CRKL: variants seen among roughly 807,000 people sequenced by gnomAD.
CRKL encodes crk-like protein.
CRKL carries 3 observed loss-of-function variants against 23.0 expected under a neutral mutation model. That is an observed-to-expected ratio of 0.13 (90% confidence interval 0.06 to 0.34). The LOEUF (loss-of-function observed/expected upper bound fraction) is 0.34, where lower values mean the gene tolerates loss of function less well. Ranked by LOEUF, CRKL falls within the 10% of genes least tolerant of loss-of-function variation. CRKL has a pLI of 1.00. For synonymous variants in CRKL, 188 were observed against 160.7 expected, an observed-to-expected ratio of 1.17 and a Z score of -1.28; for missense variants, 256 against 394.5, an observed-to-expected ratio of 0.65 and a Z score of 2.97.
Position 20,950,084 on chromosome 22 carries a change from A to G in CRKL, c.*239A>G, listed in dbSNP as rs2147918997. 2 of 492,542 alleles carry G rather than the reference A, an allele frequency of 4.1e-6. No homozygotes were observed. Among genetic ancestry groups the G allele is most frequent in the Non-Finnish European group, 7.0e-6 (2 of 285,948 alleles). The allele number at this position is 492,542 out of a possible 1,614,324, so 30.5% of individuals were successfully genotyped here. On this transcript the variant is annotated 3_prime_UTR_variant, in exon 3 of 3. Coordinates refer to ENST00000354336, the MANE Select transcript of CRKL (RefSeq NM_005207.4). ...AGTTCTTTTGGATCATAAACTGGAA[A>G]TACTGATGGAAGCACACAAGTGGAG...
At chr22:20,920,921 T>C (rs1397939768) in intron 1 of CRKL, among the ~76,000 whole-genome samples, 1 of 152,178 alleles carries the variant, frequency 6.6e-6, no homozygotes, top group Non-Finnish European at 1.5e-5. Context: ...GCCTGTTGCT[T>C]TAATTTAGTT....
chr22:20,943,077 T>A (rs1179051426), intron 2 of CRKL, among the ~76,000 whole-genome samples: 2 of 152,150 alleles, frequency 1.3e-5, no homozygotes, highest in South Asian at 4.1e-4. Flanking sequence ...GCCATCCTAG[T>A]AGGTGTGAAG....
At chr22:20,932,000 A>G (rs2147902947) in intron 1 of CRKL, among the ~76,000 whole-genome samples, 1 of 151,790 alleles carries the variant, frequency 6.6e-6, no homozygotes, top group East Asian at 1.9e-4. Flanking sequence ...TTTAGTAGAG[A>G]CGGGGTTTCA....
chr22:20,927,688 C>G (rs979392399), intron 1 of CRKL, among the ~76,000 whole-genome samples: 22 of 144,262 alleles, frequency 1.5e-4, no homozygotes, highest in African/African-American at 5.4e-4. Context: ...ACTAAAAAGA[C>G]AAAAATTAGC....
At position 20,952,838 on chromosome 22, in the gene CRKL, G is replaced by T. The variant is rs1181932472; in HGVS notation, c.*2993G>T. 3 of 231,874 alleles carry T rather than the reference G, an allele frequency of 1.3e-5. No homozygotes were observed. Among genetic ancestry groups the T allele is most frequent in the Non-Finnish European group, 2.6e-5 (3 of 117,238 alleles). The allele number at this position is 231,874 out of a possible 1,614,324, so 14.4% of individuals were successfully genotyped here. A position where few individuals can be genotyped will look rare whatever the true frequency, so the allele number is the denominator to read the frequency against. On this transcript the variant is annotated 3_prime_UTR_variant, in exon 3 of 3. Transcript: ENST00000354336. ...GAGTCAGCCATGTCTGTGCTGTGTGGAACCACCTGATGACATGGTTAACGA... is the reference window on the plus strand; with the variant it reads ...GAGTCAGCCATGTCTGTGCTGTGTGTAACCACCTGATGACATGGTTAACGA...
chr22:20,932,980 T>TGAGGCA (rs1392283696), intron 1 of CRKL, among the ~76,000 whole-genome samples: 1 of 152,058 alleles, frequency 6.6e-6, no homozygotes, highest in African/African-American at 2.4e-5. Flanking sequence ...CTCGGGAGGC[T>TGAGGCA]GAGGCAGAAA....
intron 1 of CRKL, among the ~76,000 whole-genome samples, chr22:20,927,487 C>T (rs376164835): frequency 6.8e-6 from 1 of 147,078 alleles, no homozygotes; most frequent in South Asian, 2.2e-4. Context: ...CCAGTCACCA[C>T]GCCCAGCTGG....
intron 2 of CRKL, among the ~76,000 whole-genome samples, chr22:20,941,574 GTGTGTA>G (rs1271429263): frequency 2.5e-5 from 1 of 40,566 alleles, no homozygotes; most frequent in African/African-American, 9.4e-5. Context: ...GTGTGTGTGT[GTGTGTA>G]TATATATATT....
At chr22:20,926,158 T>C (rs1231822078) in intron 1 of CRKL, among the ~76,000 whole-genome samples, 3 of 152,186 alleles carry the variant, frequency 2.0e-5, no homozygotes, top group Non-Finnish European at 4.4e-5. Flanking sequence ...GACACAGTTA[T>C]AATTAATGTA....
At chr22:20,923,299 C>T (rs56244134) in intron 1 of CRKL, among the ~76,000 whole-genome samples, 1 of 150,836 alleles carries the variant, frequency 6.6e-6, no homozygotes, top group Non-Finnish European at 1.5e-5. Flanking sequence ...TTTTTTGAGA[C>T]GGAGTCTTGT....
intron 2 of CRKL, among the ~76,000 whole-genome samples, chr22:20,937,207 T>G (rs1056829860): frequency 3.3e-5 from 5 of 152,182 alleles, no homozygotes; most frequent in African/African-American, 7.2e-5. Context: ...GGTGCATGCC[T>G]CTGGCCTGGT....
rs180742984 is a variant in CRKL at position 20,953,156 on chromosome 22, T to A, written c.*3311T>A. On this transcript the variant is annotated 3_prime_UTR_variant, in exon 3 of 3. Coordinates refer to ENST00000354336, the MANE Select transcript of CRKL (RefSeq NM_005207.4). Reference sequence around the variant, plus strand: ...GTTTATAATTAATCCTTTAATATTATGGTTATTAACCTCTTAAACATGAAT... The same window carrying A: ...GTTTATAATTAATCCTTTAATATTAAGGTTATTAACCTCTTAAACATGAAT... The A allele has an allele frequency of 1.2e-4, 28 of 231,998 alleles. No homozygotes were observed. Among genetic ancestry groups the A allele is most frequent in the African/African-American group, 5.1e-4 (23 of 45,348 alleles). 14.4% of individuals were successfully genotyped at this position (231,998 alleles called of 1,614,324 possible).
rs1174088385 is a variant in CRKL at position 20,933,965 on chromosome 22, G to A, written c.498G>A (p.Lys166=). ...PEEQWWSARN[K]DGRVGMIPVP... ...AACAGTGGTGGAGTGCCCGGAACAA[G>A]GATGGCCGGGTTGGGATGATTCCTG... Residue 166 remains lysine (K), a synonymous_variant, in exon 2 of 3, where the codon AAG becomes AAA. Transcript: ENST00000354336. The A allele has an allele frequency of 1.9e-6, 3 of 1,614,186 alleles. No homozygotes were observed. Among genetic ancestry groups the A allele is most frequent in the Non-Finnish European group, 2.5e-6 (3 of 1,180,038 alleles).
At chr22:20,936,242 C>A (rs1259174280) in intron 2 of CRKL, among the ~76,000 whole-genome samples, 1 of 152,180 alleles carries the variant, frequency 6.6e-6, no homozygotes, top group Non-Finnish European at 1.5e-5. Context: ...TTCAAAAAAA[C>A]CAAATCCTGA....
chr22:20,927,128 A>AAAAAAAAAGAAAG (rs1308213608), intron 1 of CRKL, among the ~76,000 whole-genome samples: 1 of 125,764 alleles, frequency 8.0e-6, no homozygotes, highest in African/African-American at 3.0e-5. Context: ...AAAAAAAAAA[A>AAAAAAAAAGAAAG]AAAAAAAAGA....
chr22:20,951,080 A>G lies in CRKL; in HGVS notation c.*1235A>G, dbSNP rs1441625228. 4.3e-6 allele frequency: 1 copy of G among 232,520 alleles called. No homozygotes were observed. Among genetic ancestry groups the G allele is most frequent in the Non-Finnish European group, 8.5e-6 (1 of 117,694 alleles). The allele number at this position is 232,520 out of a possible 1,614,324, so 14.4% of individuals were successfully genotyped here. On this transcript the variant is annotated 3_prime_UTR_variant, in exon 3 of 3. Transcript: ENST00000354336. ...TGGCCAGTTTTCTGTTCAGCTTTTC[A>G]GTGAATGTACCCCTTTAAGGTTCAG...
chr22:20,934,319 C>T, intron 2 of CRKL, 75 bp downstream of exon 2: 2 of 1,258,008 alleles, frequency 1.6e-6, no homozygotes, highest in East Asian at 2.4e-5. Context: ...TTAGTTTCTG[C>T]TCATTTAAGC....
chr22:20,935,441 C>T (rs1471344572), intron 2 of CRKL, among the ~76,000 whole-genome samples: 2 of 152,128 alleles, frequency 1.3e-5, no homozygotes, highest in Admixed American at 1.3e-4. Context: ...AATACATCAG[C>T]CCTTGCTTGT....
rs1026654407 is a variant in CRKL at position 20,928,333 on chromosome 22, T to C, written c.312-5446T>C. ...TTGGCTGGGCATGGTGGCTCATGCC[T>C]GTAGTCCCAGCTACATGGGAGGCTG... On this transcript the variant is annotated intron_variant, in intron 1 of 2. Coordinates refer to ENST00000354336, the MANE Select transcript of CRKL (RefSeq NM_005207.4). Among the ~76,000 whole-genome samples the C allele has an allele frequency of 6.6e-5, 10 of 152,122 alleles. No individual in the cohort carries two copies. The Middle Eastern group carries it at 0.01, about 155-fold the overall frequency.
Sources: gnomAD v4.1 joint callset for allele counts (sites outside exome capture counted in the v4.1 genomes callset) on GRCh38, gnomAD v4.1.1 for gene constraint, MANE v1.5 for transcripts, NCBI Gene and HGNC (gene_info 2026-07-23, HGNC 2026-07-21) for gene names.